RALGPS2: variants seen among roughly 807,000 people sequenced by gnomAD.
The protein encoded by RALGPS2 is ras-specific guanine nucleotide-releasing factor RalGPS2.
RALGPS2 carries 43 observed loss-of-function variants against 86.8 expected under a neutral mutation model. The ratio of observed to expected loss-of-function variants is 0.50; its 90% confidence interval spans 0.39 to 0.64. RALGPS2 has a LOEUF of 0.64. Among genes scored for constraint, RALGPS2 ranks in the 30% least tolerant of loss-of-function variants. The pLI, the probability that RALGPS2 is intolerant of heterozygous loss-of-function variation, is 0.00. For missense variants in RALGPS2, 536 were observed against 694.6 expected (o/e 0.77, Z 2.57); for synonymous variants, 243 against 231.3 (o/e 1.05, Z -0.46).
At chr1:178,796,900 C>G (rs1436585908) in intron 4 of RALGPS2, among the ~76,000 whole-genome samples, 1 of 152,092 alleles carries the variant, frequency 6.6e-6, no homozygotes, top group East Asian at 1.9e-4. Context: ...CTTATAATGA[C>G]TGTTAAGAAA....
Position 178,921,568 on chromosome 1 carries a change from A to T in RALGPS2, c.*5209A>T. The T allele has an allele frequency of 6.6e-6, 1 of 152,044 alleles. No homozygotes were observed. The highest frequency in any genetic ancestry group is 1.9e-4 in the East Asian group (1 of 5,190). The allele number at this position is 152,044 out of a possible 1,614,324, so 9.4% of individuals were successfully genotyped here. On this transcript the variant is annotated 3_prime_UTR_variant, in exon 20 of 20. Transcript: ENST00000367635. ...AATCTGAAGGAGATCAAACATCTGT[A>T]AGGACAGGTACCCAGTGATGATAAT...
At chr1:178,807,553 T>C (rs1026395567) in intron 4 of RALGPS2, among the ~76,000 whole-genome samples, 1 of 152,196 alleles carries the variant, frequency 6.6e-6, no homozygotes, top group African/African-American at 2.4e-5. Flanking sequence ...TGAAAATTAA[T>C]TTTTTAATAT....
intron 18 of RALGPS2, among the ~76,000 whole-genome samples, chr1:178,904,708 G>T (rs1287095490): frequency 6.6e-6 from 1 of 152,130 alleles, no homozygotes; most frequent in Admixed American, 6.6e-5. Flanking sequence ...TGGTCTATGT[G>T]CCTATTTTCA....
Position 178,888,618 on chromosome 1 carries a change from A to T in RALGPS2, c.1193-1024A>T, listed in dbSNP as rs117349113. 1.6e-4 allele frequency among the ~76,000 whole-genome samples: 25 copies of T among 152,308 alleles called. 1 individual carries two copies. The East Asian group carries it at 4.8e-3, about 29-fold the overall frequency. On this transcript the variant is annotated intron_variant, in intron 13 of 19. Transcript: ENST00000367635. ...AATCAAAGGATAATGTAGATAATGTACAAGACCCCACCACCACCACGGGTT... is the reference window on the plus strand; with the variant it reads ...AATCAAAGGATAATGTAGATAATGTTCAAGACCCCACCACCACCACGGGTT...
At chr1:178,845,549 GT>G (rs1474989364) in intron 8 of RALGPS2, among the ~76,000 whole-genome samples, 9 of 152,072 alleles carry the variant, frequency 5.9e-5, no homozygotes, top group Non-Finnish European at 1.2e-4. Flanking sequence ...TATAATAAAT[GT>G]TTCTTGGTTC....
intron 6 of RALGPS2, among the ~76,000 whole-genome samples, chr1:178,814,965 C>G (rs1235538206): frequency 6.6e-6 from 1 of 152,118 alleles, no homozygotes; most frequent in African/African-American, 2.4e-5. Context: ...AACATCTTTT[C>G]TATGTTGGCC....
chr1:178,802,889 T>C (rs1277974781), intron 4 of RALGPS2, among the ~76,000 whole-genome samples: 2 of 152,182 alleles, frequency 1.3e-5, no homozygotes, highest in African/African-American at 4.8e-5. Context: ...TCTTAATTTT[T>C]CGATACTCCA....
chr1:178,821,275 A>G (rs1655491245), intron 6 of RALGPS2, among the ~76,000 whole-genome samples: 1 of 152,202 alleles, frequency 6.6e-6, no homozygotes, highest in South Asian at 2.1e-4. Flanking sequence ...GTAATAGTTC[A>G]GTATAAGGGA....
At chr1:178,745,772 G>C (rs565495974) in intron 1 of RALGPS2, among the ~76,000 whole-genome samples, 1 of 145,440 alleles carries the variant, frequency 6.9e-6, no homozygotes, top group African/African-American at 2.5e-5. Context: ...TTGATAAAAT[G>C]ATTTTTTATC....
intron 1 of RALGPS2, among the ~76,000 whole-genome samples, chr1:178,734,598 A>G (rs182442009): frequency 4.6e-5 from 7 of 152,350 alleles, no homozygotes; most frequent in African/African-American, 1.7e-4. Flanking sequence ...ATAATCAGTG[A>G]TGTGACAGTG....
At chr1:178,793,591 G>T (rs1025974811) in intron 4 of RALGPS2, among the ~76,000 whole-genome samples, 2 of 151,916 alleles carry the variant, frequency 1.3e-5, no homozygotes, top group Admixed American at 6.6e-5. Context: ...AGTCAAGCAC[G>T]TACAGATTGG....
chr1:178,843,660 A>G (rs1256885292), intron 8 of RALGPS2, among the ~76,000 whole-genome samples: 1 of 151,996 alleles, frequency 6.6e-6, no homozygotes, highest in Non-Finnish European at 1.5e-5. Flanking sequence ...TAATTAAAAA[A>G]AAAAAAAGAA....
At chr1:178,876,594 GT>G (rs940558918) in intron 8 of RALGPS2, among the ~76,000 whole-genome samples, 3 of 152,152 alleles carry the variant, frequency 2.0e-5, no homozygotes, top group African/African-American at 7.2e-5. Context: ...TAAAAACAGG[GT>G]TTATTTAGAA....
At chr1:178,851,466 T>G in intron 8 of RALGPS2, 1 of 631,804 alleles carries the variant, frequency 1.6e-6, no homozygotes, top group Non-Finnish European at 2.5e-6. Flanking sequence ...CTTCACTTAC[T>G]TGATGGCTGT....
intron 8 of RALGPS2, among the ~76,000 whole-genome samples, chr1:178,867,421 C>CAA (rs1658484911): frequency 6.6e-6 from 1 of 152,066 alleles, no homozygotes; most frequent in Non-Finnish European, 1.5e-5. Context: ...TGTAGCTTAA[C>CAA]ACATGTTAAC....
intron 8 of RALGPS2, among the ~76,000 whole-genome samples, chr1:178,869,470 G>C (rs2102347552): frequency 6.6e-6 from 1 of 152,160 alleles, no homozygotes; most frequent in African/African-American, 2.4e-5. Context: ...TGTGTAATTT[G>C]GGGTTCAGAT....
intron 6 of RALGPS2, among the ~76,000 whole-genome samples, chr1:178,814,443 T>C (rs574721598): frequency 6.6e-6 from 1 of 152,284 alleles, no homozygotes; most frequent in South Asian, 2.1e-4. Context: ...TCTCTCTCTC[T>C]CTTTTTTTAG....
intron 4 of RALGPS2, among the ~76,000 whole-genome samples, chr1:178,791,540 C>G (rs16853342): frequency 0.045 from 6,867 of 152,170 alleles, 159 homozygotes; most frequent in Non-Finnish European, 0.057. Context: ...AATATAGATT[C>G]TGAATCCAAC....
In RALGPS2 at chr1:178,733,008, G is replaced by A. The variant is rs529838430; in HGVS notation, c.-84+7589G>A. On this transcript the variant is annotated intron_variant, in intron 1 of 19. Coordinates refer to ENST00000367635, the MANE Select transcript of RALGPS2 (RefSeq NM_152663.5). The stretch of plus-strand genomic sequence containing the variant: ...GGGTATATTTTGAATTCAAAGTTTC[G>A]CTGACTTCATGAAATCAGTTGTAAA... Among the ~76,000 whole-genome samples, 6 of 152,144 alleles carry A rather than the reference G, an allele frequency of 3.9e-5. No homozygotes were observed. In the East Asian group the frequency reaches 7.7e-4, roughly 20 times the overall value.
Sources: gnomAD v4.1 joint callset for allele counts (sites outside exome capture counted in the v4.1 genomes callset) on GRCh38, gnomAD v4.1.1 for gene constraint, MANE v1.5 for transcripts, NCBI Gene and HGNC (gene_info 2026-07-23, HGNC 2026-07-21) for gene names.